LDB2: variants seen among roughly 807,000 people sequenced by gnomAD.
The protein encoded by LDB2 is LIM domain binding 2, also known as LIM domain-binding protein 2.
A neutral mutation model predicts 44.3 loss-of-function variants in LDB2; 12 were observed. The ratio of observed to expected loss-of-function variants is 0.27; its 90% CI spans 0.17 to 0.44. The LOEUF is 0.44. Ranked by LOEUF, LDB2 falls within the 20% of genes least tolerant of loss-of-function variation. The pLI, the probability that LDB2 is intolerant of heterozygous loss-of-function variation, is 1.00. For synonymous variants in LDB2, 164 were observed against 174.8 expected (o/e 0.94, Z 0.49); for missense variants, 344 against 473.5 (o/e 0.73, Z 2.54).
intron 2 of LDB2, among the ~76,000 whole-genome samples, chr4:16,742,044 TTTTC>T (rs1307946881): frequency 1.2e-4 from 18 of 151,870 alleles, no homozygotes; most frequent in African/African-American, 2.7e-4. Context: ...TTTTTTTCTT[TTTTC>T]TTTCTTTCTT....
At chr4:16,821,388 T>TTTA (rs1554036985) in intron 1 of LDB2, among the ~76,000 whole-genome samples, 1 of 76,032 alleles carries the variant, frequency 1.3e-5, no homozygotes, top group Non-Finnish European at 2.7e-5. Context: ...TTTTTTTTTA[T>TTTA]TTTTTTTTTT....
chr4:16,742,208 A>G (rs1423503293), intron 2 of LDB2, among the ~76,000 whole-genome samples: 1 of 151,526 alleles, frequency 6.6e-6, no homozygotes. Context: ...AGTAGCTGGG[A>G]CTACAGCCAT....
At position 16,533,662 on chromosome 4, in the gene LDB2, A is replaced by G. The variant is rs1314171032; in HGVS notation, c.616-21558T>C. On this transcript the variant is annotated intron_variant, in intron 5 of 7. Coordinates refer to ENST00000304523, the MANE Select transcript of LDB2 (RefSeq NM_001290.5). This position sits in a 1 kb window ranked among gnomAD's most constrained non-coding sequence, Gnocchi z 4.1. ...TTCACCATATCCCTAACGTTACCAG[A>G]CACCTTGTCTGAGGGACGTCACCCT... Among the ~76,000 whole-genome samples the G allele has an allele frequency of 1.3e-5, 2 of 152,202 alleles. No individual in the cohort carries two copies. Among genetic ancestry groups the G allele is most frequent in the African/African-American group, 4.8e-5 (2 of 41,442 alleles).
intron 2 of LDB2, among the ~76,000 whole-genome samples, chr4:16,622,320 A>T (rs1363132067): frequency 6.6e-6 from 1 of 152,252 alleles, no homozygotes; most frequent in East Asian, 1.9e-4. Flanking sequence ...TGGCACACAG[A>T]AGATCTTCAA....
intron 1 of LDB2, among the ~76,000 whole-genome samples, chr4:16,847,599 TTG>T (rs1367928272): frequency 1.6e-5 from 2 of 121,822 alleles, no homozygotes; most frequent in African/African-American, 5.7e-5. Context: ...TAACACATGT[TTG>T]TTTGTTTGTT....
chr4:16,517,387 A>G (rs1299069390), intron 5 of LDB2, among the ~76,000 whole-genome samples: 1 of 152,210 alleles, frequency 6.6e-6, no homozygotes, highest in Non-Finnish European at 1.5e-5. Context: ...TATAGAACTG[A>G]GCATAATAAC....
chr4:16,887,220 GA>G (rs77393745), intron 1 of LDB2, among the ~76,000 whole-genome samples: 14,580 of 128,502 alleles, frequency 0.11, 844 homozygotes, highest in African/African-American at 0.18. Context: ...GCTAAGACTT[GA>G]AAAAAAAAAA....
At chr4:16,799,694 G>A (rs1777402650) in intron 1 of LDB2, among the ~76,000 whole-genome samples, 1 of 152,126 alleles carries the variant, frequency 6.6e-6, no homozygotes, top group Admixed American at 6.5e-5. Flanking sequence ...TTCTCGAATT[G>A]ACCTTTCTGG....
chr4:16,784,769 C>T (rs990095399), intron 1 of LDB2, among the ~76,000 whole-genome samples: 4 of 152,176 alleles, frequency 2.6e-5, no homozygotes, highest in East Asian at 1.9e-4. Context: ...CTCCTTCTTC[C>T]GCCTCCCAAC....
intron 1 of LDB2, among the ~76,000 whole-genome samples, chr4:16,893,300 T>C (rs754209013): frequency 6.6e-6 from 1 of 151,748 alleles, no homozygotes; most frequent in Middle Eastern, 3.4e-3. Flanking sequence ...TTTTTCTTTC[T>C]AAATTTCTAG....
chr4:16,791,638 C>A (rs1160418495), intron 1 of LDB2, among the ~76,000 whole-genome samples: 1 of 148,200 alleles, frequency 6.7e-6, no homozygotes, highest in African/African-American at 2.5e-5. Context: ...CTTCCCCAGG[C>A]TTTAGATATT....
At position 16,773,736 on chromosome 4, in the gene LDB2, TC is replaced by T. The variant is rs1771220343; in HGVS notation, c.133-14477del. On this transcript the variant is annotated intron_variant, in intron 1 of 7. Transcript: ENST00000304523. ...AGTTGCAATATTTCTTTTTTCATATTCCTTTCTTTTTTTAGAGAGACAGGGT... is the reference window on the plus strand; with the variant it reads ...AGTTGCAATATTTCTTTTTTCATATTCTTTCTTTTTTTAGAGAGACAGGGT... Among the ~76,000 whole-genome samples the T allele has an allele frequency of 2.0e-5, 3 of 152,066 alleles. No individual in the cohort carries two copies. In the South Asian group the frequency reaches 6.2e-4, roughly 32 times the overall value.
At chr4:16,505,962 G>T in intron 7 of LDB2, 2 of 1,551,714 alleles carry the variant, frequency 1.3e-6, no homozygotes, top group East Asian at 2.4e-5. Context: ...TGAGGCTGCA[G>T]TTCGGGATCG....
intron 2 of LDB2, among the ~76,000 whole-genome samples, chr4:16,658,902 G>A (rs572236635): frequency 5.3e-5 from 8 of 152,330 alleles, no homozygotes; most frequent in Non-Finnish European, 1.2e-4. Context: ...CCTAAGGACT[G>A]AAAGTCAAAG....
intron 2 of LDB2, among the ~76,000 whole-genome samples, chr4:16,621,720 T>A (rs1728929610): frequency 6.6e-6 from 1 of 151,968 alleles, no homozygotes; most frequent in African/African-American, 2.4e-5. Flanking sequence ...CCCAGCTAAT[T>A]TCTTTTATTT....
chr4:16,543,516 A>G (rs1435844901), intron 5 of LDB2, among the ~76,000 whole-genome samples: 3 of 152,226 alleles, frequency 2.0e-5, no homozygotes, highest in Non-Finnish European at 4.4e-5. Context: ...CATTTCTCTG[A>G]TGGCCAGTGA....
At chr4:16,601,166 A>G (rs1722483155) in intron 2 of LDB2, among the ~76,000 whole-genome samples, 1 of 152,180 alleles carries the variant, frequency 6.6e-6, no homozygotes, top group African/African-American at 2.4e-5. Flanking sequence ...AATACTTTTA[A>G]GGAAATCAAC....
In LDB2 at chr4:16,679,493, G is replaced by A. The variant is rs192126363; in HGVS notation, c.235+79665C>T. On this transcript the variant is annotated intron_variant, in intron 2 of 7. Coordinates refer to ENST00000304523, the MANE Select transcript of LDB2 (RefSeq NM_001290.5). ...TGAATCCTCACAACAACCCTATGAA[G>A]TGGGTACTACTGTTGTTACTCTCAT... Among the ~76,000 whole-genome samples the A allele has an allele frequency of 2.0e-3, 298 of 152,284 alleles. 1 individual carries two copies. The highest frequency in any genetic ancestry group is 3.1e-3 in the Non-Finnish European group (214 of 68,026).
intron 2 of LDB2, among the ~76,000 whole-genome samples, chr4:16,723,457 G>T (rs1579079020): frequency 1.3e-5 from 2 of 152,222 alleles, no homozygotes; most frequent in East Asian, 3.9e-4. Flanking sequence ...TGAGGGTACA[G>T]CCCCTGTGAC....
Sources: allele counts gnomAD v4.1 joint callset (sites outside exome capture counted in the v4.1 genomes callset), GRCh38; gene constraint gnomAD v4.1.1; non-coding constraint Gnocchi (gnomAD v3.1); transcripts MANE v1.5; gene names NCBI Gene and HGNC (gene_info 2026-07-23, HGNC 2026-07-21).